Variants in SCHIP1 observed in about 807,000 individuals in gnomAD.
The protein encoded by SCHIP1 is schwannomin interacting protein 1.
A neutral mutation model predicts 29.7 loss-of-function variants in SCHIP1; 8 were observed. The ratio of observed to expected loss-of-function variants is 0.27; its 90% CI spans 0.16 to 0.49. SCHIP1 has a LOEUF of 0.49. Among genes scored for constraint, SCHIP1 ranks in the 20% least tolerant of loss-of-function variants. SCHIP1 has a pLI of 0.99. For missense variants in SCHIP1, 193 were observed against 294.6 expected (o/e 0.66, Z 2.52); for synonymous variants, 76 against 94.9 (o/e 0.80, Z 1.16).
At chr3:159,440,546 G>T in the SCHIP1 span, among the ~76,000 whole-genome samples, 2 of 152,062 alleles carry the variant, frequency 1.3e-5, no homozygotes, top group Non-Finnish European at 2.9e-5. Context: ...GCCTTGTTCT[G>T]TTTGGTAAAA....
the SCHIP1 span, among the ~76,000 whole-genome samples, chr3:159,730,380 A>G: frequency 1.3e-5 from 2 of 152,204 alleles, no homozygotes; most frequent in East Asian, 1.9e-4. Context: ...AAGTGAGATT[A>G]CAGATTAAGT....
the SCHIP1 span, among the ~76,000 whole-genome samples, chr3:159,549,636 T>G: frequency 7.2e-5 from 11 of 152,292 alleles, no homozygotes; most frequent in African/African-American, 2.6e-4. Flanking sequence ...ACTTTGACAC[T>G]GGACTTCCAG....
the SCHIP1 span, among the ~76,000 whole-genome samples, chr3:159,501,231 C>A: frequency 6.6e-6 from 1 of 152,150 alleles, no homozygotes; most frequent in East Asian, 1.9e-4. Flanking sequence ...GCTGTGACTG[C>A]TCGCAGCTTA....
At chr3:159,341,480 G>C in the SCHIP1 span, among the ~76,000 whole-genome samples, 3 of 152,082 alleles carry the variant, frequency 2.0e-5, no homozygotes, top group Non-Finnish European at 4.4e-5. Flanking sequence ...GTGAAAGTTG[G>C]CAGGTAGATG....
the SCHIP1 span, among the ~76,000 whole-genome samples, chr3:159,745,821 G>T: frequency 6.6e-6 from 1 of 152,046 alleles, no homozygotes; most frequent in East Asian, 1.9e-4. Flanking sequence ...TAATGTCTTA[G>T]TTTTTATTTC....
chr3:159,765,083 A>G, the SCHIP1 span: 1 of 1,571,108 alleles, frequency 6.4e-7, no homozygotes, highest in South Asian at 1.2e-5. Context: ...GCCGGGCTGC[A>G]GTTCCGGGAG....
chr3:159,749,005 C>T, the SCHIP1 span, among the ~76,000 whole-genome samples: 2 of 152,146 alleles, frequency 1.3e-5, no homozygotes, highest in Non-Finnish European at 2.9e-5. Flanking sequence ...GGTACGGTGT[C>T]TTTCGCCTAT....
chr3:159,505,545 C>A, the SCHIP1 span, among the ~76,000 whole-genome samples: 5 of 152,174 alleles, frequency 3.3e-5, no homozygotes, highest in Non-Finnish European at 7.3e-5. Flanking sequence ...CATATGTATA[C>A]ATGTGCCATG....
At chr3:159,442,693 G>A in the SCHIP1 span, among the ~76,000 whole-genome samples, 1 of 152,174 alleles carries the variant, frequency 6.6e-6, no homozygotes, top group East Asian at 1.9e-4. Context: ...ACAACATGGA[G>A]GGAGGTTTGC....
chr3:159,398,898 C>A, the SCHIP1 span: 2 of 909,734 alleles, frequency 2.2e-6, no homozygotes, highest in Non-Finnish European at 2.6e-6. Context: ...AAACGTCCTG[C>A]AGACAGTCAG....
the SCHIP1 span, among the ~76,000 whole-genome samples, chr3:159,501,865 A>C: frequency 1.3e-5 from 2 of 152,200 alleles, no homozygotes; most frequent in African/African-American, 2.4e-5. Context: ...TTGCATTTGG[A>C]TACATGAGTT....
chr3:159,838,988 T>G (rs1029719271), upstream of SCHIP1, among the ~76,000 whole-genome samples: 3 of 152,098 alleles, frequency 2.0e-5, no homozygotes, highest in Non-Finnish European at 4.4e-5. Context: ...AAAATTTTAT[T>G]TAACTTTTCC....
At chr3:159,704,174 C>G in the SCHIP1 span, among the ~76,000 whole-genome samples, 2 of 151,992 alleles carry the variant, frequency 1.3e-5, no homozygotes, top group Non-Finnish European at 2.9e-5. Context: ...GTGGCTCACA[C>G]CTGTAATCCT....
chr3:159,358,101 TG>T, the SCHIP1 span, among the ~76,000 whole-genome samples: 1 of 152,206 alleles, frequency 6.6e-6, no homozygotes, highest in Non-Finnish European at 1.5e-5. Context: ...AGAAGGCACT[TG>T]GTTTAGTGCA....
the SCHIP1 span, among the ~76,000 whole-genome samples, chr3:159,444,938 G>A: frequency 6.6e-6 from 1 of 152,098 alleles, no homozygotes; most frequent in African/African-American, 2.4e-5. Context: ...AATTGACCTA[G>A]GCGTTACCAT....
chr3:159,820,949 AC>A, the SCHIP1 span, among the ~76,000 whole-genome samples: 5 of 152,222 alleles, frequency 3.3e-5, 1 homozygote, highest in South Asian at 1.0e-3. Flanking sequence ...CAGCCACTAG[AC>A]ACATGTGGCT....
At chr3:159,827,271 A>G in the SCHIP1 span, among the ~76,000 whole-genome samples, 3 of 152,218 alleles carry the variant, frequency 2.0e-5, no homozygotes, top group Admixed American at 1.3e-4. Flanking sequence ...GAACAGACCT[A>G]AGGAAACTCT....
chr3:159,358,955 G>GA, the SCHIP1 span, among the ~76,000 whole-genome samples: 2 of 119,270 alleles, frequency 1.7e-5, no homozygotes, highest in Non-Finnish European at 3.2e-5. Flanking sequence ...TTGAGACAGA[G>GA]TCTTGCTCTG....
At chr3:159,469,538 G>A in the SCHIP1 span, among the ~76,000 whole-genome samples, 5 of 152,178 alleles carry the variant, frequency 3.3e-5, no homozygotes, top group African/African-American at 9.6e-5. Context: ...CATTCAACAA[G>A]TATTCATTTA....
Sources: gnomAD v4.1 joint callset for allele counts (sites outside exome capture counted in the v4.1 genomes callset) on GRCh38, gnomAD v4.1.1 for gene constraint, MANE v1.5 for transcripts, NCBI Gene and HGNC (gene_info 2026-07-23, HGNC 2026-07-21) for gene names.